Variants in SHROOM3 observed in about 807,000 individuals in gnomAD.
SHROOM3 encodes shroom family member 3, also known as protein Shroom3.
In SHROOM3, 47 loss-of-function variants were observed where a neutral mutation model predicts 138.6. That is an observed-to-expected ratio of 0.34 (90% CI 0.27 to 0.43). The LOEUF is 0.43. SHROOM3 is among the 20% of genes least tolerant of loss of function. The probability of loss-of-function intolerance (pLI) is 1.00; values close to 1 mark genes in which losing one functional copy is unlikely to be tolerated. For missense variants in SHROOM3, 2,491 were observed against 2,596.5 expected (o/e 0.96, Z 0.88); for synonymous variants, 1,062 against 1,063.3 (o/e 1.00, Z 0.02).
chr4:76,595,902 A>C (rs187888196), intron 2 of SHROOM3, among the ~76,000 whole-genome samples: 1 of 152,184 alleles, frequency 6.6e-6, no homozygotes, highest in African/African-American at 2.4e-5. Context: ...CTTTTTGTAC[A>C]TGGAGTCTAA....
intron 2 of SHROOM3, among the ~76,000 whole-genome samples, chr4:76,569,254 G>A (rs975748689): frequency 7.2e-5 from 11 of 152,154 alleles, no homozygotes; most frequent in Admixed American, 1.3e-4. Flanking sequence ...TGTCAGGGGG[G>A]GAAATAAAGC....
At position 76,642,088 on chromosome 4, in the gene SHROOM3, T is replaced by G. The variant is rs567006136; in HGVS notation, c.324-68068T>G. ...CAATGTTGGCTCATTCTTTCCTGATTGTTTCTATCTTTGGGCCCCTATTGT... is the reference window on the plus strand; with the variant it reads ...CAATGTTGGCTCATTCTTTCCTGATGGTTTCTATCTTTGGGCCCCTATTGT... On this transcript the variant is annotated intron_variant, in intron 2 of 10. Coordinates refer to ENST00000296043, the MANE Select transcript of SHROOM3 (RefSeq NM_020859.4). 1.2e-3 allele frequency among the ~76,000 whole-genome samples: 181 copies of G among 152,324 alleles called. 2 individuals carry two copies. Among genetic ancestry groups the G allele is most frequent in the African/African-American group, 4.2e-3 (174 of 41,564 alleles).
At chr4:76,723,326 G>A (rs1720606003) in intron 3 of SHROOM3, among the ~76,000 whole-genome samples, 1 of 151,984 alleles carries the variant, frequency 6.6e-6, no homozygotes, top group East Asian at 1.9e-4. Flanking sequence ...ATACTCTCTT[G>A]TATTCTTTAA....
At chr4:76,720,151 G>GTTTTTTTTTTTTTTTTTT (rs59839066) in intron 3 of SHROOM3, among the ~76,000 whole-genome samples, 2 of 82,998 alleles carry the variant, frequency 2.4e-5, no homozygotes, top group Non-Finnish European at 2.2e-5. Context: ...TGTTTTTTAG[G>GTTTTTTTTTTTTTTTTTT]TTTTTTTTTT....
chr4:76,449,995 G>C (rs1730893437), intron 1 of SHROOM3, among the ~76,000 whole-genome samples: 1 of 152,180 alleles, frequency 6.6e-6, no homozygotes, highest in Non-Finnish European at 1.5e-5. Flanking sequence ...GCTTGTATGT[G>C]TGTGTGAGCA....
chr4:76,630,286 C>T (rs1045409160), intron 2 of SHROOM3, among the ~76,000 whole-genome samples: 1 of 152,172 alleles, frequency 6.6e-6, no homozygotes, highest in African/African-American at 2.4e-5. Flanking sequence ...GGAGTGCCTA[C>T]CTTTCAGCTC....
chr4:76,704,010 A>T (rs1316922554), intron 2 of SHROOM3, among the ~76,000 whole-genome samples: 1 of 152,232 alleles, frequency 6.6e-6, no homozygotes, highest in African/African-American at 2.4e-5. Context: ...CCTGCCGCTA[A>T]TGAGATGGAT....
At chr4:76,461,973 G>C (rs1731150523) in intron 1 of SHROOM3, among the ~76,000 whole-genome samples, 1 of 152,084 alleles carries the variant, frequency 6.6e-6, no homozygotes, top group African/African-American at 2.4e-5. Context: ...TTCTTCCAAG[G>C]GTGTGATAAT....
intron 2 of SHROOM3, among the ~76,000 whole-genome samples, chr4:76,655,895 C>T (rs531191848): frequency 6.6e-6 from 1 of 152,250 alleles, no homozygotes; most frequent in East Asian, 1.9e-4. Flanking sequence ...AAAAGGATTC[C>T]CAGTACCCAG....
At chr4:76,630,545 G>A (rs925027646) in intron 2 of SHROOM3, among the ~76,000 whole-genome samples, 3 of 152,192 alleles carry the variant, frequency 2.0e-5, no homozygotes, top group Non-Finnish European at 2.9e-5. Flanking sequence ...CTTCTGAGTT[G>A]CTCAGGCCAG....
chr4:76,474,939 AT>A (rs971816333), intron 1 of SHROOM3, among the ~76,000 whole-genome samples: 6 of 149,972 alleles, frequency 4.0e-5, no homozygotes, highest in Admixed American at 1.3e-4. Context: ...AAAAAAAAAA[AT>A]TTTTTTTTTG....
At chr4:76,545,819 G>C (rs897633768) in intron 1 of SHROOM3, among the ~76,000 whole-genome samples, 3 of 152,164 alleles carry the variant, frequency 2.0e-5, no homozygotes, top group Admixed American at 2.0e-4. Flanking sequence ...GATGCTCGAA[G>C]AAGGTGCAAA....
intron 1 of SHROOM3, among the ~76,000 whole-genome samples, chr4:76,552,066 TTA>T (rs897636631): frequency 4.1e-4 from 60 of 147,382 alleles, no homozygotes; most frequent in East Asian, 3.8e-3. Flanking sequence ...TTTCACCGTG[TTA>T]GCCAGGATGG....
intron 1 of SHROOM3, among the ~76,000 whole-genome samples, chr4:76,524,059 C>G (rs1222428067): frequency 3.3e-5 from 5 of 152,206 alleles, no homozygotes; most frequent in African/African-American, 9.6e-5. Flanking sequence ...GACAAGCGGA[C>G]AAGCCAGAGG....
intron 2 of SHROOM3, among the ~76,000 whole-genome samples, chr4:76,591,638 A>G (rs1300086016): frequency 7.0e-6 from 1 of 142,268 alleles, no homozygotes; most frequent in Non-Finnish European, 1.6e-5. Context: ...AATGGCGCCA[A>G]CCTCTATTTA....
Position 76,779,196 on chromosome 4 carries a change from A to T in SHROOM3, c.*19A>T. ...ACTTTAACCTCTTCTAAAATACCCA[A>T]CCAAAAGATCACTGTTTCTCTCAAC... On this transcript the variant is annotated 3_prime_UTR_variant, in exon 11 of 11. Coordinates refer to ENST00000296043, the MANE Select transcript of SHROOM3 (RefSeq NM_020859.4). 6.3e-7 allele frequency: 1 copy of T among 1,581,974 alleles called. No homozygotes were observed. Among genetic ancestry groups the T allele is most frequent in the Non-Finnish European group, 8.6e-7 (1 of 1,163,766 alleles).
chr4:76,528,343 CT>C (rs75403198), intron 1 of SHROOM3, among the ~76,000 whole-genome samples: 171 of 38,488 alleles, frequency 4.4e-3, no homozygotes, highest in Admixed American at 0.024. Flanking sequence ...TCTTCTTCTT[CT>C]TTTTTTTTTT....
At chr4:76,670,713 G>A (rs1718854062) in intron 2 of SHROOM3, among the ~76,000 whole-genome samples, 1 of 152,144 alleles carries the variant, frequency 6.6e-6, no homozygotes. Flanking sequence ...TAGCACTTTG[G>A]GAGGCCAAGG....
At chr4:76,484,900 C>G (rs911387730) in intron 1 of SHROOM3, among the ~76,000 whole-genome samples, 1 of 152,162 alleles carries the variant, frequency 6.6e-6, no homozygotes, top group African/African-American at 2.4e-5. Context: ...CCAAACCTGT[C>G]GTCTTGAGAA....
Sources: gnomAD v4.1 joint callset for allele counts (sites outside exome capture counted in the v4.1 genomes callset) on GRCh38, gnomAD v4.1.1 for gene constraint, MANE v1.5 for transcripts, NCBI Gene and HGNC (gene_info 2026-07-23, HGNC 2026-07-21) for gene names.